The following EFCAB13 variants were observed in gnomAD, a reference collection of about 807,000 sequenced individuals.
EFCAB13 encodes the protein EF-hand calcium-binding domain-containing protein 13.
Under a neutral mutation model 110.2 loss-of-function variants are expected in EFCAB13, and 91 were observed. The observed-to-expected ratio is 0.83, with a 90% CI of 0.70 to 0.98. The LOEUF (loss-of-function observed/expected upper bound fraction) is 0.98, where lower values mean the gene tolerates loss of function less well. Among genes scored for constraint, EFCAB13 ranks in the 50% least tolerant of loss-of-function variants. The probability of loss-of-function intolerance (pLI) is 0.00; values close to 1 mark genes in which losing one functional copy is unlikely to be tolerated. For synonymous variants in EFCAB13, 323 were observed against 369.9 expected (o/e 0.87, Z 1.45); for missense variants, 968 against 1,119.4 (o/e 0.86, Z 1.93).
In EFCAB13 at chr17:47,409,629, C is replaced by G. The variant is rs745848093; in HGVS notation, c.2234-18C>G. ...GATGCCATTCCTCATTGTGTAATGT[C>G]TCTCTCTAAATTTGCAGATTTCAGG... On this transcript the variant is annotated intron_variant, in intron 20 of 24. Transcript: ENST00000331493. The G allele has an allele frequency of 3.8e-6, 6 of 1,598,976 alleles. No homozygotes were observed. In the South Asian group the frequency reaches 5.5e-5, roughly 15 times the overall value.
chr17:47,406,466 A>G (rs1448845568), intron 20 of EFCAB13, among the ~76,000 whole-genome samples: 1 of 152,070 alleles, frequency 6.6e-6, no homozygotes, highest in African/African-American at 2.4e-5. Context: ...ATCTAGTTGT[A>G]TTTTATTGTG....
chr17:47,402,540 G>A (rs553211458), intron 18 of EFCAB13, among the ~76,000 whole-genome samples: 27 of 152,310 alleles, frequency 1.8e-4, no homozygotes, highest in African/African-American at 6.3e-4. Context: ...TATGGTCAGT[G>A]TCTGACCTTG....
At chr17:47,402,274 A>G in intron 18 of EFCAB13, 71 bp downstream of exon 18, 1 of 1,373,038 alleles carries the variant, frequency 7.3e-7, no homozygotes, top group Non-Finnish European at 1.0e-6. Context: ...TTTTGTTTTT[A>G]ATGCTGTGTG....
At chr17:47,371,334 T>C (rs1436143378) in intron 11 of EFCAB13, among the ~76,000 whole-genome samples, 2 of 152,166 alleles carry the variant, frequency 1.3e-5, no homozygotes, top group African/African-American at 4.8e-5. Flanking sequence ...CCCTATGTTA[T>C]CATCAAACAG....
At chr17:47,374,174 A>G (rs1418042988) in intron 11 of EFCAB13, among the ~76,000 whole-genome samples, 2 of 152,112 alleles carry the variant, frequency 1.3e-5, no homozygotes, top group East Asian at 3.8e-4. Context: ...ATCTTTGTCA[A>G]TTGGGAAGGA....
At chr17:47,405,930 G>A (rs2065803017) in intron 20 of EFCAB13, among the ~76,000 whole-genome samples, 1 of 150,950 alleles carries the variant, frequency 6.6e-6, no homozygotes, top group African/African-American at 2.4e-5. Flanking sequence ...TTCTTACTGG[G>A]TAATAAACAT....
intron 24 of EFCAB13, among the ~76,000 whole-genome samples, chr17:47,438,224 C>T (rs892297258): frequency 6.6e-6 from 1 of 152,192 alleles, no homozygotes; most frequent in Non-Finnish European, 1.5e-5. Flanking sequence ...GTCTTTCCTT[C>T]GTCTTAACTT....
Position 47,377,878 on chromosome 17 carries a change from G to C in EFCAB13, c.1485G>C (p.Lys495Asn), listed in dbSNP as rs781229043. 6 of 1,591,842 alleles carry C rather than the reference G, an allele frequency of 3.8e-6. No homozygotes were observed. Among genetic ancestry groups the C allele is most frequent in the Non-Finnish European group, 5.1e-6 (6 of 1,174,702 alleles). ...GINLLDEEFQ[K>N]IVTDTSRNEN... ...ATTTATTAGATGAAGAATTCCAGAAGATTGTGACAGACACTAGTAGAAATG... is the reference window on the plus strand; with the variant it reads ...ATTTATTAGATGAAGAATTCCAGAACATTGTGACAGACACTAGTAGAAATG... Residue 495 changes from lysine (K) to asparagine (N), a missense_variant, in exon 13 of 25, where the codon AAG becomes AAC. Lys to Asn is a moderately conservative substitution (Grantham distance 94). Transcript: ENST00000331493.
At chr17:47,434,807 C>T (rs114912937) in intron 24 of EFCAB13, among the ~76,000 whole-genome samples, 3,982 of 152,148 alleles carry the variant, frequency 0.026, 179 homozygotes, top group African/African-American at 0.091. Flanking sequence ...TCCTATTCAA[C>T]AAATGGTGTG....
At chr17:47,344,590 A>G (rs1057457569) in intron 7 of EFCAB13, among the ~76,000 whole-genome samples, 2 of 152,172 alleles carry the variant, frequency 1.3e-5, no homozygotes, top group Admixed American at 6.5e-5. Flanking sequence ...CTAACATTAT[A>G]TGATTTCAGC....
At chr17:47,373,381 A>C (rs1268459589) in intron 11 of EFCAB13, among the ~76,000 whole-genome samples, 1 of 151,946 alleles carries the variant, frequency 6.6e-6, no homozygotes, top group East Asian at 1.9e-4. Context: ...TATTCCCTGA[A>C]CTTTCTCTAG....
At chr17:47,414,759 T>C in intron 22 of EFCAB13, 89 bp from the exon 23 acceptor site, 1 of 814,140 alleles carries the variant, frequency 1.2e-6, no homozygotes, top group Non-Finnish European at 2.0e-6. Flanking sequence ...GAGTGAAATT[T>C]TAGCTAACTA....
At chr17:47,406,455 T>A (rs531887768) in intron 20 of EFCAB13, among the ~76,000 whole-genome samples, 3 of 152,192 alleles carry the variant, frequency 2.0e-5, no homozygotes, top group Non-Finnish European at 2.9e-5. Flanking sequence ...TTGTTTTTTA[T>A]ATCTAGTTGT....
At chr17:47,409,495 C>A in intron 20 of EFCAB13, 152 bp from the exon 21 acceptor site, 1 of 624,824 alleles carries the variant, frequency 1.6e-6, no homozygotes, top group South Asian at 2.5e-5. Context: ...ATTTTGGGAG[C>A]CAGGGAACAA....
rs1446719952 is a variant in EFCAB13 at position 47,374,939 on chromosome 17, A to G, written c.1345A>G (p.Thr449Ala). The G allele has an allele frequency of 6.3e-7, 1 of 1,582,748 alleles. No homozygotes were observed. Among genetic ancestry groups the G allele is most frequent in the Admixed American group, 2.0e-5 (1 of 51,208 alleles). ...HSSLQKQVSS[T>A]EKTAISTLEN... ...CAGTCTCCAAAAACAGGTTTCGTCT[A>G]CGGAAAAAACTGCAATTAGTACTCT... The change falls in exon 12 of 25, where the codon ACG becomes GCG. Residue 449 changes from threonine (T) to alanine (A), a missense_variant. Coordinates refer to ENST00000331493, the MANE Select transcript of EFCAB13 (RefSeq NM_152347.5).
At chr17:47,362,810 C>T (rs1278527454) in intron 10 of EFCAB13, among the ~76,000 whole-genome samples, 2 of 152,190 alleles carry the variant, frequency 1.3e-5, no homozygotes, top group Non-Finnish European at 2.9e-5. Flanking sequence ...GCCCCCTGTC[C>T]AGTGGACACG....
At chr17:47,408,576 CA>C (rs1347778428) in intron 20 of EFCAB13, among the ~76,000 whole-genome samples, 1 of 152,172 alleles carries the variant, frequency 6.6e-6, no homozygotes, top group Non-Finnish European at 1.5e-5. Context: ...TGCTTGAACC[CA>C]GGGGGCAGAG....
At chr17:47,404,465 C>A in intron 19 of EFCAB13, 97 bp from the exon 20 acceptor site, 1 of 874,996 alleles carries the variant, frequency 1.1e-6, no homozygotes, top group Admixed American at 2.6e-5. Flanking sequence ...ATAAAATGTT[C>A]GAGAAATATA....
At position 47,366,870 on chromosome 17, in the gene EFCAB13, A is replaced by T. The variant is rs182031646; in HGVS notation, c.806-3567A>T. ...CATGGTTGACTACCATACTCTTATTAGTTGACATTGGACTTCTGTTCAGAG... is the reference window on the plus strand; with the variant it reads ...CATGGTTGACTACCATACTCTTATTTGTTGACATTGGACTTCTGTTCAGAG... On this transcript the variant is annotated intron_variant, in intron 10 of 24. Transcript: ENST00000331493. Among the ~76,000 whole-genome samples the T allele has an allele frequency of 5.9e-5, 9 of 152,344 alleles. No individual in the cohort carries two copies. The East Asian group carries it at 1.7e-3, about 29-fold the overall frequency.
Sources: allele counts gnomAD v4.1 joint callset (sites outside exome capture counted in the v4.1 genomes callset), GRCh38; gene constraint gnomAD v4.1.1; transcripts MANE v1.5; gene names NCBI Gene and HGNC (gene_info 2026-07-23, HGNC 2026-07-21).